Variants in SLIT2 observed in about 807,000 individuals in gnomAD.
SLIT2 encodes the protein slit homolog 2 protein.
SLIT2 carries 41 observed loss-of-function variants against 185.7 expected under a neutral mutation model. The ratio of observed to expected loss-of-function variants is 0.22; its 90% CI spans 0.17 to 0.29. The LOEUF (loss-of-function observed/expected upper bound fraction) is 0.29. Ranked by LOEUF, SLIT2 falls within the 10% of genes least tolerant of loss-of-function variation. SLIT2 has a pLI of 1.00. For missense variants in SLIT2, 1,571 were observed against 1,909.0 expected (o/e 0.82, Z 3.30); for synonymous variants, 693 against 680.2 (o/e 1.02, Z -0.29).
At chr4:20,496,062 T>A (rs1173895777) in intron 9 of SLIT2, among the ~76,000 whole-genome samples, 1 of 152,202 alleles carries the variant, frequency 6.6e-6, no homozygotes, top group Non-Finnish European at 1.5e-5. Flanking sequence ...TTATGAGATA[T>A]TTCATTCAAT....
intron 4 of SLIT2, among the ~76,000 whole-genome samples, chr4:20,310,978 G>C (rs1215151403): frequency 2.6e-5 from 4 of 152,074 alleles, no homozygotes; most frequent in Non-Finnish European, 4.4e-5. Context: ...GTAAACTCTT[G>C]GGCTCAAGTG....
In SLIT2 at chr4:20,550,115, C is replaced by T. The variant is rs189346329; in HGVS notation, c.2490-712C>T. Reference sequence around the variant, plus strand: ...TTAAGAGTACCTTTTTCAAAACACTCTTGCAAACACTGAATATTATTTATT... The same window carrying T: ...TTAAGAGTACCTTTTTCAAAACACTTTTGCAAACACTGAATATTATTTATT... On this transcript the variant is annotated intron_variant, in intron 24 of 36. Transcript: ENST00000504154. Among the ~76,000 whole-genome samples the T allele has an allele frequency of 5.7e-3, 863 of 152,158 alleles. 3 individuals are homozygous for T. The highest frequency in any genetic ancestry group is 0.01 in the Middle Eastern group (3 of 292).
chr4:20,450,114 G>C (rs1712300702), intron 4 of SLIT2, among the ~76,000 whole-genome samples: 2 of 152,140 alleles, frequency 1.3e-5, no homozygotes. Context: ...TTATGAACTT[G>C]ATCAAAATAT....
intron 4 of SLIT2, among the ~76,000 whole-genome samples, chr4:20,295,649 TC>T (rs1347312339): frequency 6.6e-6 from 1 of 152,170 alleles, no homozygotes; most frequent in Non-Finnish European, 1.5e-5. Flanking sequence ...AAGTTATTCA[TC>T]CTGATAAAGT....
At chr4:20,552,259 C>G (rs918726914) in intron 25 of SLIT2, among the ~76,000 whole-genome samples, 2 of 152,102 alleles carry the variant, frequency 1.3e-5, no homozygotes, top group African/African-American at 4.8e-5. Flanking sequence ...AGGAAAGGTG[C>G]TGCTTGAGCT....
intron 4 of SLIT2, among the ~76,000 whole-genome samples, chr4:20,341,207 C>T (rs943066623): frequency 5.3e-5 from 8 of 152,272 alleles, no homozygotes; most frequent in Admixed American, 1.3e-4. Flanking sequence ...TCTGCTCAGA[C>T]GCATAGACTT....
chr4:20,530,304 A>G (rs1332915876), intron 16 of SLIT2, among the ~76,000 whole-genome samples: 3 of 151,232 alleles, frequency 2.0e-5, no homozygotes, highest in African/African-American at 4.9e-5. Flanking sequence ...GAGTCTCACT[A>G]TCTCACCCAG....
At chr4:20,370,485 A>G (rs1326079637) in intron 4 of SLIT2, among the ~76,000 whole-genome samples, 1 of 152,058 alleles carries the variant, frequency 6.6e-6, no homozygotes, top group African/African-American at 2.4e-5. Flanking sequence ...TCTAAATAGC[A>G]CAGTACATGC....
intron 4 of SLIT2, among the ~76,000 whole-genome samples, chr4:20,321,905 A>G (rs1391529802): frequency 6.6e-6 from 1 of 152,136 alleles, no homozygotes; most frequent in Non-Finnish European, 1.5e-5. Flanking sequence ...TGGGACCGGT[A>G]GTGTGAACAT....
At position 20,253,869 on chromosome 4, in the gene SLIT2, G is replaced by A; in HGVS notation, c.54G>A (p.Ala18=). 1 of 1,600,904 alleles carries A rather than the reference G, an allele frequency of 6.2e-7. No individual in the cohort carries two copies. The highest frequency in any genetic ancestry group is 1.7e-5 in the Admixed American group (1 of 60,018). The part of the protein sequence containing the change: ...MLSLSLGLVL[A]ILNKVAPQAC... ...CCCTGTCGCTGGGGTTAGTGCTGGCGATCCTGAACAAGGTGGCACCGCAGG... is the reference window on the plus strand; with the variant it reads ...CCCTGTCGCTGGGGTTAGTGCTGGCAATCCTGAACAAGGTGGCACCGCAGG... The change falls in exon 1 of 37, where the codon GCG becomes GCA. Residue 18 remains alanine, a synonymous_variant. Coordinates refer to ENST00000504154, the MANE Select transcript of SLIT2 (RefSeq NM_004787.4).
chr4:20,340,400 A>T lies in SLIT2; in HGVS notation c.395+71519A>T, dbSNP rs554897785. 9.2e-5 allele frequency among the ~76,000 whole-genome samples: 14 copies of T among 152,284 alleles called. No homozygotes were observed. In the South Asian group the frequency reaches 2.9e-3, roughly 32 times the overall value. On this transcript the variant is annotated intron_variant, in intron 4 of 36. Coordinates refer to ENST00000504154, the MANE Select transcript of SLIT2 (RefSeq NM_004787.4). ...ATGTGTGACCATTCTTCATTTATGT[A>T]TTATAATCCTTTTAAACCAAGGGAG...
At chr4:20,317,724 A>G (rs1718722942) in intron 4 of SLIT2, among the ~76,000 whole-genome samples, 1 of 152,056 alleles carries the variant, frequency 6.6e-6, no homozygotes, top group African/African-American at 2.4e-5. Context: ...TAGTTATCAT[A>G]TGCCAAAATT....
chr4:20,398,854 G>A lies in SLIT2; in HGVS notation c.396-68898G>A, dbSNP rs114967324. Among the ~76,000 whole-genome samples, 552 of 151,408 alleles carry A rather than the reference G, an allele frequency of 3.6e-3. 3 individuals carry two copies. Among genetic ancestry groups the A allele is most frequent in the African/African-American group, 0.013 (527 of 41,326 alleles). On this transcript the variant is annotated intron_variant, in intron 4 of 36. Transcript: ENST00000504154. The stretch of plus-strand genomic sequence containing the variant: ...ATATTTTAACTCTGTATTTAGCTCC[G>A]TCAATAATGTCTATCCTTTCGACAA...
At chr4:20,293,327 C>CA (rs1716152105) in intron 4 of SLIT2, among the ~76,000 whole-genome samples, 3 of 152,164 alleles carry the variant, frequency 2.0e-5, no homozygotes, top group Non-Finnish European at 4.4e-5. Context: ...AGATCAGTTA[C>CA]AAAAATAATA....
At chr4:20,347,304 G>A (rs1292551447) in intron 4 of SLIT2, among the ~76,000 whole-genome samples, 2 of 152,192 alleles carry the variant, frequency 1.3e-5, no homozygotes, top group African/African-American at 4.8e-5. Context: ...GACTTTTCAT[G>A]ATACCATATA....
intron 4 of SLIT2, among the ~76,000 whole-genome samples, chr4:20,290,824 T>C (rs1019738210): frequency 1.3e-5 from 2 of 151,886 alleles, no homozygotes; most frequent in African/African-American, 4.8e-5. Flanking sequence ...TAATATCTTA[T>C]TTTTTTCTGT....
intron 4 of SLIT2, among the ~76,000 whole-genome samples, chr4:20,270,749 T>G (rs901444929): frequency 6.6e-6 from 1 of 151,964 alleles, no homozygotes; most frequent in Admixed American, 6.6e-5. Flanking sequence ...GCACTCAATA[T>G]TGACAAAGTG....
chr4:20,440,708 A>G (rs770561611), intron 4 of SLIT2, among the ~76,000 whole-genome samples: 1 of 152,214 alleles, frequency 6.6e-6, no homozygotes, highest in Non-Finnish European at 1.5e-5. Flanking sequence ...TAATTTTAAA[A>G]TTCTAGAAGT....
intron 25 of SLIT2, among the ~76,000 whole-genome samples, chr4:20,551,990 TG>T (rs1723795527): frequency 6.6e-6 from 1 of 152,208 alleles, no homozygotes; most frequent in South Asian, 2.1e-4. Context: ...TCTATCAGAC[TG>T]GTGCCTATTA....
Sources: allele counts gnomAD v4.1 joint callset (sites outside exome capture counted in the v4.1 genomes callset), GRCh38; gene constraint gnomAD v4.1.1; transcripts MANE v1.5; gene names NCBI Gene and HGNC (gene_info 2026-07-23, HGNC 2026-07-21).